Variants in ENTPD1 observed in about 807,000 individuals in gnomAD.
ENTPD1 encodes the protein ATP diphosphohydrolase.
ENTPD1 carries 33 observed loss-of-function variants against 57.0 expected under a neutral mutation model. The ratio of observed to expected loss-of-function variants is 0.58; its 90% CI spans 0.44 to 0.77. The LOEUF (loss-of-function observed/expected upper bound fraction) is 0.77, where lower values mean the gene tolerates loss of function less well. Ranked by LOEUF, ENTPD1 falls within the 30% of genes least tolerant of loss-of-function variation. The pLI is 0.00. For synonymous variants in ENTPD1, 202 were observed against 218.8 expected (o/e 0.92, Z 0.68); for missense variants, 501 against 603.4 (o/e 0.83, Z 1.78).
At chr10:95,738,465 A>G (rs7069030) in intron 1 of ENTPD1, among the ~76,000 whole-genome samples, 82,113 of 151,998 alleles carry the variant, frequency 0.54, 22,618 homozygotes, top group Admixed American at 0.63. Flanking sequence ...TCACTGTCCA[A>G]AGGCTTAGGT....
At chr10:95,726,267 GAAC>G (rs2097983588) in intron 1 of ENTPD1, among the ~76,000 whole-genome samples, 1 of 151,978 alleles carries the variant, frequency 6.6e-6, no homozygotes, top group African/African-American at 2.4e-5. Context: ...ACATATACTA[GAAC>G]CATAGTGAAA....
intron 2 of ENTPD1, among the ~76,000 whole-genome samples, chr10:95,831,256 T>C (rs2098395884): frequency 1.3e-5 from 2 of 152,220 alleles, no homozygotes; most frequent in Non-Finnish European, 2.9e-5. Flanking sequence ...TGTCCTGTAC[T>C]CACTTCCTCT....
At chr10:95,851,708 CT>C (rs2098445581) in intron 7 of ENTPD1, among the ~76,000 whole-genome samples, 1 of 151,658 alleles carries the variant, frequency 6.6e-6, no homozygotes, top group Non-Finnish European at 1.5e-5. Context: ...CGATAGTTTG[CT>C]GAGAATGATG....
In ENTPD1 at chr10:95,839,735, C is replaced by CATCT; in HGVS notation, c.192_195dup (p.Lys66LeufsTer2). The stretch of plus-strand genomic sequence containing the variant: ...CGGGTTCTTCTCACACAAGTTTATA[C>CATCT]ATCTATAAGTGGCCAGCAGAAAAGG... On this transcript the variant is annotated frameshift_variant, in exon 3 of 10. Coordinates refer to ENST00000371205, the MANE Select transcript of ENTPD1 (RefSeq NM_001776.6). LOFTEE classifies it high-confidence loss of function. 2 of 1,614,028 alleles carry CATCT rather than the reference C, an allele frequency of 1.2e-6. No homozygotes were observed. Among genetic ancestry groups the CATCT allele is most frequent in the Non-Finnish European group, 1.7e-6 (2 of 1,180,008 alleles).
Position 95,872,345 on chromosome 10 carries a change from A to T in ENTPD1, c.*5962A>T. 1.0e-6 allele frequency: 1 copy of T among 985,408 alleles called. No homozygotes were observed. The highest frequency in any genetic ancestry group is 1.2e-6 in the Non-Finnish European group (1 of 829,924). 61.0% of individuals were successfully genotyped at this position (985,408 alleles called of 1,614,324 possible). A position where few individuals can be genotyped will look rare whatever the true frequency, so the allele number is the denominator to read the frequency against. On this transcript the variant is annotated 3_prime_UTR_variant, in exon 10 of 10. Transcript: ENST00000371205. ...ATGGCCGCCAGCTCTCTCCAGGCTC[A>T]TATCCCACTCCACTCCTCTGATGTT...
At chr10:95,856,092 G>T (rs540181499) in intron 7 of ENTPD1, among the ~76,000 whole-genome samples, 2 of 152,206 alleles carry the variant, frequency 1.3e-5, no homozygotes, top group South Asian at 2.1e-4. Flanking sequence ...CGTAGATTTG[G>T]TCTTTTCACA....
At chr10:95,715,560 A>G (rs1044209909) in intron 1 of ENTPD1, among the ~76,000 whole-genome samples, 3 of 151,402 alleles carry the variant, frequency 2.0e-5, no homozygotes, top group African/African-American at 7.3e-5. Context: ...AGTTATTGGT[A>G]TGTTTGGATT....
chr10:95,715,478 GT>G (rs557244560), intron 1 of ENTPD1, among the ~76,000 whole-genome samples: 3,366 of 139,470 alleles, frequency 0.024, 118 homozygotes, highest in African/African-American at 0.082. Flanking sequence ...GTTAGATCTT[GT>G]TTTTTTTTTT....
exon 1 of ENTPD1, chr10:95,711,857 A>G: frequency 6.4e-7 from 1 of 1,554,124 alleles, no homozygotes. Context: ...AGCGATTGTC[A>G]GTGAAACTTC....
upstream of ENTPD1, among the ~76,000 whole-genome samples, chr10:95,707,348 G>C (rs570601162): frequency 1.2e-3 from 188 of 152,274 alleles, 1 homozygote; most frequent in African/African-American, 4.2e-3. Context: ...CCACAGTTTG[G>C]GGGGGCTGCA....
chr10:95,798,841 T>A (rs932021122), intron 1 of ENTPD1, among the ~76,000 whole-genome samples: 1 of 152,236 alleles, frequency 6.6e-6, no homozygotes, highest in Non-Finnish European at 1.5e-5. Flanking sequence ...AGAAAAGGCA[T>A]GTGGAATTAC....
intron 5 of ENTPD1, chr10:95,844,872 T>C: frequency 1.7e-6 from 1 of 582,436 alleles, no homozygotes; most frequent in South Asian, 2.0e-5. Flanking sequence ...TAGGGAGGCA[T>C]AAAGGAAATT....
intron 1 of ENTPD1, 151 bp downstream of exon 1, chr10:95,756,406 G>C (rs2098024500): frequency 3.2e-6 from 3 of 938,966 alleles, no homozygotes; most frequent in Non-Finnish European, 4.8e-6. Context: ...AGGAGGCAGA[G>C]AAAGAGCTTT....
chr10:95,843,226 A>G (rs903109837), intron 4 of ENTPD1: 43 of 152,240 alleles, frequency 2.8e-4, no homozygotes, highest in African/African-American at 1.0e-3. Flanking sequence ...GCACTGTTCT[A>G]AGTACTGAGG....
At chr10:95,765,859 T>G (rs2098086526) in intron 1 of ENTPD1, among the ~76,000 whole-genome samples, 1 of 152,176 alleles carries the variant, frequency 6.6e-6, no homozygotes, top group Admixed American at 6.5e-5. Flanking sequence ...TTAATTTCCT[T>G]AAGTAATATT....
intron 1 of ENTPD1, among the ~76,000 whole-genome samples, chr10:95,760,561 C>T (rs577453449): frequency 5.3e-5 from 8 of 152,260 alleles, no homozygotes; most frequent in South Asian, 2.1e-4. Context: ...GATTGCACTG[C>T]GGGGTAATAA....
Position 95,842,484 on chromosome 10 carries a change from C to T in ENTPD1, c.403C>T (p.Arg135Trp), listed in dbSNP as rs868707365. 1.9e-6 allele frequency: 3 copies of T among 1,613,750 alleles called. No homozygotes were observed. The highest frequency in any genetic ancestry group is 2.5e-6 in the Non-Finnish European group (3 of 1,179,884). ...TTACCTGGGAGCCACGGCAGGCATGCGGTTGCTCAGGTATAGCAGCATGTA... is the reference window on the plus strand; with the variant it reads ...TTACCTGGGAGCCACGGCAGGCATGTGGTTGCTCAGGTATAGCAGCATGTA... ...PVYLGATAGM[R>W]LLRMESEELA... The change falls in exon 4 of 10, where the codon CGG becomes TGG. Residue 135 changes from arginine (R) to tryptophan (W), a missense_variant. Arg to Trp is a moderately radical substitution (Grantham distance 101). Transcript: ENST00000371205.
rs80077196 is a variant in ENTPD1 at position 95,870,696 on chromosome 10, G to A, written c.*4313G>A. On this transcript the variant is annotated 3_prime_UTR_variant, in exon 10 of 10. Transcript: ENST00000371205. Reference sequence around the variant, plus strand: ...GATGAACTGAGTTTCACCCAAACTGGTCTGGCCCCTCTCTGATTCAAATAC... The same window carrying A: ...GATGAACTGAGTTTCACCCAAACTGATCTGGCCCCTCTCTGATTCAAATAC... The A allele has an allele frequency of 2.8e-3, 2,740 of 985,420 alleles. 66 individuals are homozygous for A. In the African/African-American group the frequency reaches 0.044, roughly 16 times the overall value. The allele number at this position is 985,420 out of a possible 1,614,324, so 61.0% of individuals were successfully genotyped here.
At chr10:95,724,161 CAAAAAAAAA>C (rs35316347) in intron 1 of ENTPD1, among the ~76,000 whole-genome samples, 597 of 50,384 alleles carry the variant, frequency 0.012, 8 homozygotes, top group Middle Eastern at 0.032. Flanking sequence ...GACTCTGTCT[CAAAAAAAAA>C]AAAAAAAAAA....
Sources: gnomAD v4.1 joint callset for allele counts (sites outside exome capture counted in the v4.1 genomes callset) on GRCh38, gnomAD v4.1.1 for gene constraint, MANE v1.5 for transcripts, NCBI Gene and HGNC (gene_info 2026-07-23, HGNC 2026-07-21) for gene names.